Variants in ASB4 observed in about 807,000 individuals in gnomAD.
ASB4 encodes the protein ankyrin repeat and SOCS box containing 4, also known as ankyrin repeat and SOCS box protein 4.
In ASB4, 35 loss-of-function variants were observed where a neutral mutation model predicts 38.6. The ratio of observed to expected loss-of-function variants is 0.91; its 90% CI spans 0.69 to 1.20. ASB4 has a LOEUF of 1.20. Among genes scored for constraint, ASB4 ranks in the 50% most tolerant of loss-of-function variants. ASB4 has a pLI of 0.00. For synonymous variants in ASB4, 195 were observed against 201.3 expected, an observed-to-expected ratio of 0.97 and a Z score of 0.26; for missense variants, 557 against 527.2, an observed-to-expected ratio of 1.06 and a Z score of -0.55.
intron 2 of ASB4, among the ~76,000 whole-genome samples, chr7:95,507,674 T>C (rs1372317515): frequency 6.6e-6 from 1 of 152,294 alleles, no homozygotes; most frequent in Non-Finnish European, 1.5e-5. Flanking sequence ...TTATTGAATG[T>C]TCAATTGACA....
chr7:95,512,820 T>A (rs1317313679), intron 2 of ASB4, among the ~76,000 whole-genome samples: 1 of 152,150 alleles, frequency 6.6e-6, no homozygotes, highest in Non-Finnish European at 1.5e-5. Context: ...CAGCTTCTCT[T>A]CTGAGGGCAG....
the ASB4 span, among the ~76,000 whole-genome samples, chr7:95,547,171 C>A: frequency 6.6e-6 from 1 of 152,166 alleles, no homozygotes; most frequent in Non-Finnish European, 1.5e-5. Flanking sequence ...AAATACACAA[C>A]TTTAAAATGG....
At chr7:95,472,608 TCTCA>T in the ASB4 span, among the ~76,000 whole-genome samples, 522 of 152,262 alleles carry the variant, frequency 3.4e-3, no homozygotes, top group African/African-American at 0.012. Flanking sequence ...AGCAGTCTAC[TCTCA>T]CTAATAGGGG....
chr7:95,474,283 T>C (rs1789954219), upstream of ASB4, among the ~76,000 whole-genome samples: 1 of 152,206 alleles, frequency 6.6e-6, no homozygotes, highest in Non-Finnish European at 1.5e-5. Context: ...TATATTTTCC[T>C]TTTGGGGAGG....
At chr7:95,515,254 TCTTTCTTTCTTTC>T (rs1562817150) in intron 2 of ASB4, among the ~76,000 whole-genome samples, 27 of 130,042 alleles carry the variant, frequency 2.1e-4, no homozygotes, top group Non-Finnish European at 3.5e-4. Flanking sequence ...TTTCTTTCCT[TCTTTCTTTCTTTC>T]TCTTTCTTTC....
chr7:95,503,205 A>T (rs898550592), intron 2 of ASB4, among the ~76,000 whole-genome samples: 1 of 152,204 alleles, frequency 6.6e-6, no homozygotes. Context: ...AATTTTTTTT[A>T]AAGTGTGGCA....
At chr7:95,506,686 C>CTTT (rs76270182) in intron 2 of ASB4, among the ~76,000 whole-genome samples, 26 of 119,966 alleles carry the variant, frequency 2.2e-4, no homozygotes, top group African/African-American at 8.1e-4. Flanking sequence ...AATTTAGATT[C>CTTT]TTTTTTTTTT....
In ASB4 at chr7:95,537,636, C is replaced by T; in HGVS notation, c.1158C>T (p.His386=). ...GTAACTCTCCAAGGACTCTCATGCA[C>T]TTATCGAGATGTGCCATTAGAAGAA... ...VCCNSPRTLM[H]LSRCAIRRTL... Residue 386 remains histidine (H), a synonymous_variant, in exon 5 of 5, where the codon CAC becomes CAT. Transcript: ENST00000325885. 6.2e-7 allele frequency: 1 copy of T among 1,613,818 alleles called. No homozygotes were observed.
Position 95,539,147 on chromosome 7 carries a change from G to T in ASB4, c.*1388G>T, listed in dbSNP as rs1180633006. 8 of 152,140 alleles carry T rather than the reference G, an allele frequency of 5.3e-5. No homozygotes were observed. Among genetic ancestry groups the T allele is most frequent in the Admixed American group, 3.9e-4 (6 of 15,274 alleles). The allele number at this position is 152,140 out of a possible 1,614,324, so 9.4% of individuals were successfully genotyped here. On this transcript the variant is annotated 3_prime_UTR_variant, in exon 5 of 5. Coordinates refer to ENST00000325885, the MANE Select transcript of ASB4 (RefSeq NM_016116.3). ...TCATTTTTTAGAGGTTAAAGCAGAA[G>T]TAAATTGCAAACAAATCTGTCAGTT...
chr7:95,486,155 C>T lies in ASB4; in HGVS notation c.184C>T (p.Gln62Ter), dbSNP rs1790087627. The change falls in exon 1 of 5, where the codon CAA (glutamine) becomes TAA (stop). Residue 62 changes from glutamine to a stop codon, truncating the protein, a stop_gained. Coordinates refer to ENST00000325885, the MANE Select transcript of ASB4 (RefSeq NM_016116.3). LOFTEE classifies it high-confidence loss of function. Reference protein sequence around the residue: ...DENMVLASYKQGYWLPSYKLK... With the variant: ...DENMVLASYK The stretch of plus-strand genomic sequence containing the variant: ...GAATATGGTTTTGGCATCTTATAAA[C>T]AAGGTAAAAACATATAGGTGTTATT... The T allele has an allele frequency of 6.2e-7, 1 of 1,612,170 alleles. No homozygotes were observed. The highest frequency in any genetic ancestry group is 1.1e-5 in the South Asian group (1 of 90,862).
chr7:95,487,287 CAAAG>C (rs1406143728), intron 1 of ASB4, among the ~76,000 whole-genome samples: 6 of 152,054 alleles, frequency 3.9e-5, no homozygotes, highest in Admixed American at 1.3e-4. Context: ...GATGGGAAGA[CAAAG>C]AAGGGATCTA....
At chr7:95,514,215 T>C (rs1790524003) in intron 2 of ASB4, among the ~76,000 whole-genome samples, 4 of 152,332 alleles carry the variant, frequency 2.6e-5, no homozygotes, top group Admixed American at 2.6e-4. Context: ...CTCTACTCAG[T>C]CTGGGCTTCC....
At chr7:95,483,365 C>T (rs937110525), upstream of ASB4, among the ~76,000 whole-genome samples, 1 of 152,202 alleles carries the variant, frequency 6.6e-6, no homozygotes, top group Non-Finnish European at 1.5e-5. Context: ...TATTGTTCCT[C>T]CATGTATCCC....
In ASB4 at chr7:95,492,242, C is replaced by T. The variant is rs530826087; in HGVS notation, c.188-3516C>T. On this transcript the variant is annotated intron_variant, in intron 1 of 4. Transcript: ENST00000325885. Reference sequence around the variant, plus strand: ...AAACTGACTGAGAGGCCAAGGATGACTGACTCACATAATACACGAACAGGA... The same window carrying T: ...AAACTGACTGAGAGGCCAAGGATGATTGACTCACATAATACACGAACAGGA... Among the ~76,000 whole-genome samples the T allele has an allele frequency of 9.2e-5, 14 of 152,268 alleles. 1 individual carries two copies. Among genetic ancestry groups the T allele is most frequent in the African/African-American group, 2.6e-4 (11 of 41,546 alleles).
At chr7:95,516,933 T>C (rs1298385487) in intron 2 of ASB4, among the ~76,000 whole-genome samples, 3 of 152,214 alleles carry the variant, frequency 2.0e-5, no homozygotes, top group Non-Finnish European at 4.4e-5. Flanking sequence ...TTGGTATCTC[T>C]AGCTTGAGCC....
intron 2 of ASB4, among the ~76,000 whole-genome samples, chr7:95,515,921 C>T (rs1302813141): frequency 2.0e-5 from 3 of 152,164 alleles, no homozygotes; most frequent in African/African-American, 7.2e-5. Flanking sequence ...CTTCTAATAA[C>T]CCAAAGCCCC....
upstream of ASB4, among the ~76,000 whole-genome samples, chr7:95,482,060 G>C (rs527454501): frequency 6.6e-6 from 1 of 152,316 alleles, no homozygotes; most frequent in Admixed American, 6.5e-5. Flanking sequence ...TGCTTCCTAT[G>C]TTAGAAGGAC....
intron 3 of ASB4, among the ~76,000 whole-genome samples, chr7:95,529,663 G>C (rs538879777): frequency 1.3e-5 from 2 of 152,310 alleles, no homozygotes; most frequent in South Asian, 4.1e-4. Flanking sequence ...GTAAAGCCCA[G>C]AATGTCATGA....
At chr7:95,515,265 T>TTCTC (rs746135243) in intron 2 of ASB4, among the ~76,000 whole-genome samples, 4 of 95,132 alleles carry the variant, frequency 4.2e-5, no homozygotes, top group East Asian at 6.8e-4. Flanking sequence ...CTTTCTTTCT[T>TTCTC]TCTCTTTCTT....
Sources: gnomAD v4.1 joint callset for allele counts (sites outside exome capture counted in the v4.1 genomes callset) on GRCh38, gnomAD v4.1.1 for gene constraint, MANE v1.5 for transcripts, NCBI Gene and HGNC (gene_info 2026-07-23, HGNC 2026-07-21) for gene names.